Variants in OSBPL9 observed in about 807,000 individuals in gnomAD.
The protein encoded by OSBPL9 is oxysterol-binding protein-related protein 9.
OSBPL9 carries 40 observed loss-of-function variants against 106.6 expected under a neutral mutation model. That is an observed-to-expected ratio of 0.38 (90% CI 0.29 to 0.49). The LOEUF (loss-of-function observed/expected upper bound fraction) is 0.49, where lower values mean the gene tolerates loss of function less well. OSBPL9 is among the 20% of genes least tolerant of loss of function. OSBPL9 has a pLI of 0.97. For synonymous variants in OSBPL9, 269 were observed against 295.4 expected, an observed-to-expected ratio of 0.91 and a Z score of 0.92; for missense variants, 609 against 887.2, an observed-to-expected ratio of 0.69 and a Z score of 3.98.
chr1:51,568,377 C>G, the OSBPL9 span, among the ~76,000 whole-genome samples: 1 of 152,160 alleles, frequency 6.6e-6, no homozygotes, highest in Non-Finnish European at 1.5e-5. Context: ...CAAAGACAAA[C>G]AGCTAGTAAG....
the OSBPL9 span, among the ~76,000 whole-genome samples, chr1:51,530,491 C>CCTGTAAT: frequency 6.6e-6 from 1 of 152,108 alleles, no homozygotes; most frequent in South Asian, 2.1e-4. Flanking sequence ...GTGGCTCACA[C>CCTGTAAT]CTGTAATCCC....
chr1:51,663,672 T>C (rs1647684039), intron 2 of OSBPL9, among the ~76,000 whole-genome samples: 1 of 152,126 alleles, frequency 6.6e-6, no homozygotes, highest in Admixed American at 6.5e-5. Context: ...AGTTAAGAAT[T>C]CTTCATCAAA....
chr1:51,726,706 C>T (rs2148926986), intron 4 of OSBPL9, among the ~76,000 whole-genome samples: 1 of 152,194 alleles, frequency 6.6e-6, no homozygotes, highest in East Asian at 1.9e-4. Context: ...GGTTGGAAAT[C>T]ACCTGTCACA....
chr1:51,706,632 T>C (rs898970017), intron 3 of OSBPL9, among the ~76,000 whole-genome samples: 4 of 151,078 alleles, frequency 2.6e-5, no homozygotes, highest in African/African-American at 9.7e-5. Context: ...TTTGAACTTC[T>C]TGTTGTTTTC....
rs994598892 is a variant in OSBPL9 at position 51,765,764 on chromosome 1, C to T, written c.779-58C>T. ...TTAGAAAAGTCTGCTTTGACTCCAT[C>T]TCCCTAGTTTCTTCTCTTTCACCAA... On this transcript the variant is annotated intron_variant, in intron 11 of 23. Transcript: ENST00000428468. 12 of 1,454,384 alleles carry T rather than the reference C, an allele frequency of 8.3e-6. No individual in the cohort carries two copies. The African/African-American group carries it at 1.3e-4, about 16-fold the overall frequency. The allele number at this position is 1,454,384 out of a possible 1,614,324, so 90.1% of individuals were successfully genotyped here. A position where few individuals can be genotyped will look rare whatever the true frequency, so the allele number is the denominator to read the frequency against.
chr1:51,729,891 G>A lies in OSBPL9; in HGVS notation c.319-15645G>A. On this transcript the variant is annotated intron_variant, in intron 4 of 23. Transcript: ENST00000428468. The surrounding 1 kb of genome is among the most constrained non-coding windows in gnomAD (Gnocchi z 5.1). ...CGCCTGCACCGCAGTCCGGGGATCGGGTCGAGGGGAGAAGAAAAAGGGGTG... is the reference window on the plus strand; with the variant it reads ...CGCCTGCACCGCAGTCCGGGGATCGAGTCGAGGGGAGAAGAAAAAGGGGTG... 4 of 1,265,446 alleles carry A rather than the reference G, an allele frequency of 3.2e-6. No individual in the cohort carries two copies. The highest frequency in any genetic ancestry group is 7.7e-5 in the South Asian group (2 of 26,050). The allele number at this position is 1,265,446 out of a possible 1,614,324, so 78.4% of individuals were successfully genotyped here.
At chr1:51,574,326 A>T (rs967983349), upstream of OSBPL9, among the ~76,000 whole-genome samples, 4 of 152,222 alleles carry the variant, frequency 2.6e-5, no homozygotes, top group Non-Finnish European at 4.4e-5. Flanking sequence ...TATGGTTGAA[A>T]GGCATGAAAC....
chr1:51,786,850 G>A (rs994847768), intron 22 of OSBPL9, among the ~76,000 whole-genome samples: 1 of 152,120 alleles, frequency 6.6e-6, no homozygotes, highest in Admixed American at 6.5e-5. Context: ...GGCCTTGAGA[G>A]GAAGCCACAT....
chr1:51,657,017 T>G (rs1646860732), intron 2 of OSBPL9, among the ~76,000 whole-genome samples: 1 of 152,180 alleles, frequency 6.6e-6, no homozygotes, highest in African/African-American at 2.4e-5. Context: ...ATGAAATTAC[T>G]TGTTACATTG....
intron 12 of OSBPL9, among the ~76,000 whole-genome samples, chr1:51,766,894 C>G (rs1302006702): frequency 6.6e-6 from 1 of 150,576 alleles, no homozygotes; most frequent in African/African-American, 2.5e-5. Flanking sequence ...CATGGTGAAA[C>G]CATCTCTACT....
intron 4 of OSBPL9, among the ~76,000 whole-genome samples, chr1:51,728,778 G>A (rs1046514996): frequency 3.9e-5 from 6 of 151,984 alleles, no homozygotes; most frequent in Admixed American, 6.6e-5. Context: ...CCCAGCCTCC[G>A]CCTCCCAAAG....
chr1:51,698,887 T>A (rs1195123196), intron 3 of OSBPL9, among the ~76,000 whole-genome samples: 1 of 152,162 alleles, frequency 6.6e-6, no homozygotes, highest in Non-Finnish European at 1.5e-5. Context: ...TATGAACAAT[T>A]TGTTGTGATT....
intron 17 of OSBPL9, 66 bp from the exon 18 acceptor site, chr1:51,783,849 G>C: frequency 8.4e-7 from 1 of 1,189,342 alleles, no homozygotes; most frequent in Admixed American, 1.8e-5. Context: ...TATTTCCCCA[G>C]GTTATGTGAT....
intron 3 of OSBPL9, among the ~76,000 whole-genome samples, chr1:51,705,376 C>CATATATATATATATATATATAT (rs202075577): frequency 2.9e-4 from 12 of 41,650 alleles, no homozygotes; most frequent in South Asian, 1.2e-3. Flanking sequence ...TAGGGTGTTT[C>CATATATATATATATATATATAT]ATATATATAT....
intron 1 of OSBPL9, among the ~76,000 whole-genome samples, chr1:51,623,164 G>A (rs940422704): frequency 2.6e-5 from 4 of 152,160 alleles, no homozygotes; most frequent in Non-Finnish European, 4.4e-5. Context: ...TGGTAGGTAT[G>A]GAATGCAGGT....
At chr1:51,628,022 T>A (rs1423539195) in intron 1 of OSBPL9, among the ~76,000 whole-genome samples, 3 of 152,212 alleles carry the variant, frequency 2.0e-5, no homozygotes, top group African/African-American at 7.2e-5. Context: ...CTCTTAATTA[T>A]TTTTCTACCA....
At chr1:51,666,579 A>T (rs1648567805) in intron 2 of OSBPL9, among the ~76,000 whole-genome samples, 1 of 152,208 alleles carries the variant, frequency 6.6e-6, no homozygotes, top group African/African-American at 2.4e-5. Context: ...CTGTTGGATA[A>T]CACTGCCGTC....
chr1:51,522,048 TG>T, the OSBPL9 span, among the ~76,000 whole-genome samples: 1 of 152,192 alleles, frequency 6.6e-6, no homozygotes, highest in Non-Finnish European at 1.5e-5. Context: ...TGAGCCACCG[TG>T]CCCGGCCAAA....
intron 2 of OSBPL9, among the ~76,000 whole-genome samples, chr1:51,653,716 C>T (rs1334701137): frequency 1.3e-5 from 2 of 152,120 alleles, no homozygotes; most frequent in African/African-American, 4.8e-5. Flanking sequence ...GAATCTGGAC[C>T]GGCTGGGTGC....
Sources: gnomAD v4.1 joint callset for allele counts (sites outside exome capture counted in the v4.1 genomes callset) on GRCh38, gnomAD v4.1.1 for gene constraint, Gnocchi (gnomAD v3.1) non-coding constraint, MANE v1.5 for transcripts, NCBI Gene and HGNC (gene_info 2026-07-23, HGNC 2026-07-21) for gene names.